Variants in PTPRD observed in about 807,000 individuals in gnomAD.
The protein encoded by PTPRD is receptor-type tyrosine-protein phosphatase delta.
PTPRD carries 34 observed loss-of-function variants against 214.5 expected under a neutral mutation model. The observed-to-expected ratio is 0.16, with a 90% CI of 0.12 to 0.21. The LOEUF is 0.21. Among genes scored for constraint, PTPRD ranks in the 10% least tolerant of loss-of-function variants. The probability of loss-of-function intolerance (pLI) is 1.00; values close to 1 mark genes in which losing one functional copy is unlikely to be tolerated. For missense variants in PTPRD, 2,545 were observed against 2,398.7 expected (o/e 1.06, Z -1.27); for synonymous variants, 1,128 against 845.7 (o/e 1.33, Z -5.79).
chr9:9,999,704 C>T (rs754193619), intron 4 of PTPRD, among the ~76,000 whole-genome samples: 4 of 152,302 alleles, frequency 2.6e-5, no homozygotes, highest in Middle Eastern at 3.4e-3. Flanking sequence ...TATTTTGCCT[C>T]ATTATACTTA....
At chr9:8,374,028 A>G (rs1406095538) in intron 39 of PTPRD, among the ~76,000 whole-genome samples, 1 of 151,504 alleles carries the variant, frequency 6.6e-6, no homozygotes, top group Non-Finnish European at 1.5e-5. Context: ...GAAAAAAATC[A>G]TCATGCTGTT....
At chr9:9,352,152 T>C (rs919411902) in intron 9 of PTPRD, among the ~76,000 whole-genome samples, 4 of 151,866 alleles carry the variant, frequency 2.6e-5, no homozygotes, top group South Asian at 2.1e-4. Context: ...CCACATATCT[T>C]TGGAACCATT....
intron 2 of PTPRD, among the ~76,000 whole-genome samples, chr9:10,532,825 G>T (rs911982918): frequency 2.6e-5 from 4 of 151,786 alleles, no homozygotes; most frequent in Admixed American, 6.6e-5. Context: ...TTAGGTTGTG[G>T]TTTTCATGTA....
chr9:8,666,139 AC>A (rs2097166324), intron 12 of PTPRD, among the ~76,000 whole-genome samples: 1 of 152,026 alleles, frequency 6.6e-6, no homozygotes, highest in South Asian at 2.1e-4. Context: ...ATATTTTTAT[AC>A]TAAAGGCCCA....
chr9:9,832,366 T>C (rs2055169000), intron 5 of PTPRD, among the ~76,000 whole-genome samples: 1 of 151,992 alleles, frequency 6.6e-6, no homozygotes. Flanking sequence ...TAACTGTGTA[T>C]TTTTCAGGAC....
chr9:8,444,397 CTATAT>C (rs1451940494), intron 34 of PTPRD, among the ~76,000 whole-genome samples: 3 of 152,054 alleles, frequency 2.0e-5, no homozygotes, highest in Non-Finnish European at 4.4e-5. Context: ...CCTACCTACT[CTATAT>C]TATATCATTT....
chr9:8,822,354 A>G (rs921879743), intron 11 of PTPRD, among the ~76,000 whole-genome samples: 1 of 113,862 alleles, frequency 8.8e-6, no homozygotes, highest in African/African-American at 2.7e-5. Flanking sequence ...ATAAAAGGCT[A>G]TAAGAACTGG....
intron 4 of PTPRD, among the ~76,000 whole-genome samples, chr9:9,948,429 A>C (rs2093059465): frequency 6.6e-6 from 1 of 152,096 alleles, no homozygotes; most frequent in Non-Finnish European, 1.5e-5. Flanking sequence ...CATGCCTGAA[A>C]AAGAATAAGT....
At chr9:9,359,927 C>T (rs2055363071) in intron 9 of PTPRD, among the ~76,000 whole-genome samples, 1 of 151,238 alleles carries the variant, frequency 6.6e-6, no homozygotes, top group Non-Finnish European at 1.5e-5. Flanking sequence ...GAAAGAATTC[C>T]ATTTCAACAC....
In PTPRD at chr9:9,076,555, G is replaced by C. The variant is rs564229958; in HGVS notation, c.-142-57820C>G. ...AAGTAAGTGAGAACATATAATGTTCGTCTTTCTGTGCCTGCATTATTTCAC... is the reference window on the plus strand; with the variant it reads ...AAGTAAGTGAGAACATATAATGTTCCTCTTTCTGTGCCTGCATTATTTCAC... On this transcript the variant is annotated intron_variant, in intron 10 of 45. Transcript: ENST00000381196. Among the ~76,000 whole-genome samples the C allele has an allele frequency of 3.9e-5, 6 of 152,118 alleles. No homozygotes were observed. The South Asian group carries it at 1.2e-3, about 32-fold the overall frequency.
chr9:10,001,441 G>C (rs1340924198), intron 4 of PTPRD, among the ~76,000 whole-genome samples: 1 of 152,070 alleles, frequency 6.6e-6, no homozygotes, highest in Non-Finnish European at 1.5e-5. Flanking sequence ...TAAACTGAAA[G>C]AGATCCACAA....
chr9:9,512,056 T>C (rs1308475230), intron 8 of PTPRD, among the ~76,000 whole-genome samples: 1 of 151,794 alleles, frequency 6.6e-6, no homozygotes. Flanking sequence ...GTAACTTCAA[T>C]CCAGTTTCTA....
chr9:9,087,881 T>C (rs2099769533), intron 10 of PTPRD, among the ~76,000 whole-genome samples: 1 of 125,684 alleles, frequency 8.0e-6, no homozygotes, highest in African/African-American at 3.1e-5. Flanking sequence ...CTAAACTCTT[T>C]TTTTTTTTTT....
chr9:8,546,895 T>G (rs1369782382), intron 14 of PTPRD, among the ~76,000 whole-genome samples: 2 of 152,202 alleles, frequency 1.3e-5, no homozygotes, highest in Non-Finnish European at 2.9e-5. Context: ...TCTAGAGATG[T>G]TAGTAGATTT....
chr9:9,996,175 G>C (rs893366673), intron 4 of PTPRD, among the ~76,000 whole-genome samples: 2 of 151,944 alleles, frequency 1.3e-5, no homozygotes, highest in Non-Finnish European at 2.9e-5. Context: ...ATAAATGAAG[G>C]ACTGATATCC....
chr9:10,187,926 A>G (rs1037837894), intron 3 of PTPRD, among the ~76,000 whole-genome samples: 14 of 152,296 alleles, frequency 9.2e-5, no homozygotes, highest in Middle Eastern at 3.4e-3. Context: ...CCACTTGTCA[A>G]AAATTGGCAG....
intron 2 of PTPRD, among the ~76,000 whole-genome samples, chr9:10,545,091 A>C (rs16926095): frequency 0.015 from 2,231 of 152,326 alleles, 163 homozygotes; most frequent in Admixed American, 0.12. Context: ...TCCACTTTAA[A>C]TATGGAAAGA....
intron 12 of PTPRD, among the ~76,000 whole-genome samples, chr9:8,646,747 C>G (rs1466022683): frequency 1.3e-5 from 2 of 152,104 alleles, no homozygotes; most frequent in African/African-American, 4.8e-5. Flanking sequence ...GTTTTCTCCC[C>G]TTTCACATTC....
At chr9:8,883,268 AC>A (rs1374786181) in intron 11 of PTPRD, among the ~76,000 whole-genome samples, 1 of 152,222 alleles carries the variant, frequency 6.6e-6, no homozygotes, top group Non-Finnish European at 1.5e-5. Flanking sequence ...TATGATAGCA[AC>A]TATCGTAAGG....
Sources: allele counts gnomAD v4.1 joint callset (sites outside exome capture counted in the v4.1 genomes callset), GRCh38; gene constraint gnomAD v4.1.1; transcripts MANE v1.5; gene names NCBI Gene and HGNC (gene_info 2026-07-23, HGNC 2026-07-21).